The following ADGRL2 variants were observed in gnomAD, a reference collection of about 807,000 sequenced individuals.
The protein encoded by ADGRL2 is adhesion G protein-coupled receptor L2, also known as calcium-independent alpha-latrotoxin receptor 2.
ADGRL2 carries 44 observed loss-of-function variants against 157.4 expected under a neutral mutation model. That is an observed-to-expected ratio of 0.28 (90% CI 0.22 to 0.36). ADGRL2 has a LOEUF of 0.36. Among genes scored for constraint, ADGRL2 ranks in the 10% least tolerant of loss-of-function variants. The pLI, the probability that ADGRL2 is intolerant of heterozygous loss-of-function variation, is 1.00. For synonymous variants in ADGRL2, 585 were observed against 624.7 expected, an observed-to-expected ratio of 0.94 and a Z score of 0.95; for missense variants, 1,510 against 1,768.9, an observed-to-expected ratio of 0.85 and a Z score of 2.63.
At chr1:81,830,778 A>T (rs191182643) in intron 1 of ADGRL2, among the ~76,000 whole-genome samples, 1 of 152,304 alleles carries the variant, frequency 6.6e-6, no homozygotes, top group African/African-American at 2.4e-5. Flanking sequence ...AAGTGCTGGG[A>T]TTACAGGCGT....
intron 1 of ADGRL2, among the ~76,000 whole-genome samples, chr1:81,434,593 A>G (rs2077377127): frequency 6.6e-6 from 1 of 152,200 alleles, no homozygotes; most frequent in Non-Finnish European, 1.5e-5. Context: ...TAGGAAATAA[A>G]CATCTTGGAT....
chr1:81,881,906 GTTT>G (rs777566239), intron 2 of ADGRL2, among the ~76,000 whole-genome samples: 3 of 151,946 alleles, frequency 2.0e-5, no homozygotes, highest in Admixed American at 6.6e-5. Context: ...AGATTGATTT[GTTT>G]TTTTCCTTTT....
At chr1:81,544,569 T>C (rs893175559) in intron 2 of ADGRL2, among the ~76,000 whole-genome samples, 6 of 152,170 alleles carry the variant, frequency 3.9e-5, no homozygotes, top group Non-Finnish European at 8.8e-5. Context: ...ATCACTCCTT[T>C]CTCTGTACCT....
intron 3 of ADGRL2, among the ~76,000 whole-genome samples, chr1:81,666,640 G>C (rs1372039047): frequency 1.3e-5 from 2 of 152,168 alleles, no homozygotes; most frequent in African/African-American, 4.8e-5. Context: ...CGGCTCCTAT[G>C]ATGGCCCATG....
At chr1:81,653,279 C>T (rs957854605) in intron 3 of ADGRL2, among the ~76,000 whole-genome samples, 1 of 150,570 alleles carries the variant, frequency 6.6e-6, no homozygotes, top group Admixed American at 6.6e-5. Context: ...GAATGATGTA[C>T]CATAATTTCT....
At chr1:81,489,007 G>T (rs964596424) in intron 2 of ADGRL2, among the ~76,000 whole-genome samples, 1 of 152,102 alleles carries the variant, frequency 6.6e-6, no homozygotes, top group African/African-American at 2.4e-5. Flanking sequence ...AAGTTGAGGT[G>T]GGTTGAGATC....
chr1:81,769,258 A>T (rs1218081748), intron 2 of ADGRL2, among the ~76,000 whole-genome samples: 1 of 152,074 alleles, frequency 6.6e-6, no homozygotes, highest in Non-Finnish European at 1.5e-5. Flanking sequence ...AAACTTCATA[A>T]ACTTTTCTTT....
At chr1:81,572,782 C>G (rs962362052) in intron 2 of ADGRL2, among the ~76,000 whole-genome samples, 12 of 151,920 alleles carry the variant, frequency 7.9e-5, no homozygotes, top group Non-Finnish European at 1.2e-4. Context: ...TCTTTTTTCA[C>G]TGTAGAACTT....
chr1:81,586,225 G>A (rs890606429), intron 3 of ADGRL2: 4 of 151,930 alleles, frequency 2.6e-5, no homozygotes, highest in African/African-American at 9.7e-5. Context: ...ATAGTCCAAA[G>A]CACAGGAAGA....
At chr1:81,753,423 C>T (rs2085557202) in intron 1 of ADGRL2, among the ~76,000 whole-genome samples, 1 of 152,144 alleles carries the variant, frequency 6.6e-6, no homozygotes, top group African/African-American at 2.4e-5. Flanking sequence ...CCTCCCACAA[C>T]ACGTGGGAAT....
At chr1:81,365,635 T>A (rs1274516359) in intron 1 of ADGRL2, among the ~76,000 whole-genome samples, 1 of 152,162 alleles carries the variant, frequency 6.6e-6, no homozygotes, top group Non-Finnish European at 1.5e-5. Context: ...CTAATAATAT[T>A]GGTTGGGAAG....
intron 2 of ADGRL2, among the ~76,000 whole-genome samples, chr1:81,459,491 CAG>C (rs949242821): frequency 7.2e-5 from 11 of 152,124 alleles, no homozygotes; most frequent in South Asian, 2.1e-4. Context: ...TCACATATTG[CAG>C]AGTTTCCTTC....
At chr1:81,887,524 A>C (rs1216726907) in intron 2 of ADGRL2, among the ~76,000 whole-genome samples, 1 of 152,214 alleles carries the variant, frequency 6.6e-6, no homozygotes, top group South Asian at 2.1e-4. Flanking sequence ...TCATATCTTA[A>C]GGGTACATTG....
intron 11 of ADGRL2, among the ~76,000 whole-genome samples, chr1:81,963,009 T>C (rs894276728): frequency 2.0e-5 from 3 of 152,106 alleles, no homozygotes; most frequent in Non-Finnish European, 4.4e-5. Flanking sequence ...AGATTGATTT[T>C]GAAAGAGGTG....
intron 1 of ADGRL2, among the ~76,000 whole-genome samples, chr1:81,404,504 A>G (rs1455085073): frequency 6.6e-6 from 1 of 152,202 alleles, no homozygotes. Flanking sequence ...TAAGGATGCT[A>G]TTGGGCCAAG....
chr1:81,381,964 G>A (rs533496604), intron 1 of ADGRL2, among the ~76,000 whole-genome samples: 26 of 152,206 alleles, frequency 1.7e-4, no homozygotes, highest in African/African-American at 5.8e-4. Context: ...CATGCCCTTC[G>A]TTGTTTGTGA....
At chr1:81,738,925 A>T (rs1167861310) in intron 1 of ADGRL2, among the ~76,000 whole-genome samples, 1 of 152,196 alleles carries the variant, frequency 6.6e-6, no homozygotes, top group Non-Finnish European at 1.5e-5. Flanking sequence ...GACTTGAGCT[A>T]CTTCTGCTGT....
At chr1:81,393,358 A>G (rs1418131222) in intron 1 of ADGRL2, among the ~76,000 whole-genome samples, 3 of 69,528 alleles carry the variant, frequency 4.3e-5, no homozygotes, top group Non-Finnish European at 1.3e-4. Context: ...GCCCCAGGGA[A>G]AAAAAAAAAA....
intron 3 of ADGRL2, among the ~76,000 whole-genome samples, chr1:81,659,964 A>C (rs2082618754): frequency 6.6e-6 from 1 of 152,188 alleles, no homozygotes. Flanking sequence ...TCAATACACA[A>C]ATATTTTCAG....
Sources: gnomAD v4.1 joint callset for allele counts (sites outside exome capture counted in the v4.1 genomes callset) on GRCh38, gnomAD v4.1.1 for gene constraint, MANE v1.5 for transcripts, NCBI Gene and HGNC (gene_info 2026-07-23, HGNC 2026-07-21) for gene names.